Variants in PTPRM observed in about 807,000 individuals in gnomAD.
PTPRM encodes receptor-type tyrosine-protein phosphatase mu.
Under a neutral mutation model 186.7 loss-of-function variants are expected in PTPRM, and 47 were observed. The observed-to-expected ratio is 0.25, with a 90% CI of 0.20 to 0.32. The LOEUF is 0.32. Among genes scored for constraint, PTPRM ranks in the 10% least tolerant of loss-of-function variants. The pLI is 1.00. For missense variants in PTPRM, 1,494 were observed against 1,865.0 expected (o/e 0.80, Z 3.66); for synonymous variants, 668 against 674.9 (o/e 0.99, Z 0.16).
At chr18:7,655,763 A>G (rs2038831673) in intron 1 of PTPRM, among the ~76,000 whole-genome samples, 1 of 152,242 alleles carries the variant, frequency 6.6e-6, no homozygotes, top group Admixed American at 6.5e-5. Context: ...AATACATATT[A>G]TTAAGTGAAA....
chr18:8,180,732 C>G (rs1009170221), intron 14 of PTPRM, among the ~76,000 whole-genome samples: 2 of 152,186 alleles, frequency 1.3e-5, no homozygotes, highest in African/African-American at 4.8e-5. Context: ...TTAAACTCCA[C>G]CATTTTGCCT....
rs1555749529 is a variant in PTPRM, at chr18:8,118,811, A to AAT, written c.2167+4005_2167+4006dup. Among the ~76,000 whole-genome samples the AAT allele has an allele frequency of 9.1e-3, 1,166 of 128,290 alleles. 18 individuals are homozygous for AAT. Among genetic ancestry groups the AAT allele is most frequent in the East Asian group, 0.066 (308 of 4,686 alleles). 84.2% of individuals were successfully genotyped at this position (128,290 alleles called of 152,430 possible). A position where few individuals can be genotyped will look rare whatever the true frequency, so the allele number is the denominator to read the frequency against. On this transcript the variant is annotated intron_variant, in intron 13 of 32. Transcript: ENST00000580170. ...TGACATTCCATCTCAAAAAAAAAAA[A>AAT]ATATATATATATATATATATATGAG...
At chr18:7,928,940 A>C (rs995832360) in intron 5 of PTPRM, among the ~76,000 whole-genome samples, 7 of 152,168 alleles carry the variant, frequency 4.6e-5, no homozygotes, top group African/African-American at 1.4e-4. Flanking sequence ...AGCTACTTAC[A>C]GTTTTGGGGT....
intron 2 of PTPRM, among the ~76,000 whole-genome samples, chr18:7,779,020 A>G (rs1187043559): frequency 2.0e-5 from 3 of 152,200 alleles, no homozygotes; most frequent in Admixed American, 2.0e-4. Flanking sequence ...TTCCAGTTCT[A>G]TATAATTGAT....
chr18:7,806,274 C>T (rs2044231236), intron 2 of PTPRM, among the ~76,000 whole-genome samples: 2 of 152,172 alleles, frequency 1.3e-5, no homozygotes, highest in South Asian at 2.1e-4. Flanking sequence ...GGGATGTCTC[C>T]ACAACCCAGG....
chr18:8,086,807 A>G (rs917410827), intron 10 of PTPRM, among the ~76,000 whole-genome samples: 1 of 151,996 alleles, frequency 6.6e-6, no homozygotes, highest in African/African-American at 2.4e-5. Context: ...AGGGTTTAGA[A>G]TTTTCTTTTT....
rs147858223 is a variant in PTPRM, at chr18:7,750,467, C to T, written c.74-23682C>T. Among the ~76,000 whole-genome samples, 5 of 152,336 alleles carry T rather than the reference C, an allele frequency of 3.3e-5. No individual in the cohort carries two copies. In the East Asian group the frequency reaches 9.6e-4, roughly 29 times the overall value. ...TCTTTTTGTTCTGGTGAATATTGTG[C>T]AGCTGCGGATAGAATAACATTCCTC... On this transcript the variant is annotated intron_variant, in intron 1 of 32. Transcript: ENST00000580170.
intron 14 of PTPRM, among the ~76,000 whole-genome samples, chr18:8,194,348 A>C (rs931134138): frequency 6.6e-6 from 1 of 152,180 alleles, no homozygotes; most frequent in African/African-American, 2.4e-5. Flanking sequence ...TTGAGTTTTG[A>C]GTTGGTGGGA....
chr18:8,121,889 A>G (rs952335858), intron 13 of PTPRM: 1 of 152,178 alleles, frequency 6.6e-6, no homozygotes, highest in African/African-American at 2.4e-5. Flanking sequence ...ACCACACTCA[A>G]TTTCAATTGG....
intron 14 of PTPRM, among the ~76,000 whole-genome samples, chr18:8,177,231 A>G (rs1348365321): frequency 6.6e-6 from 1 of 152,246 alleles, no homozygotes; most frequent in African/African-American, 2.4e-5. Flanking sequence ...CAATAAAGTA[A>G]GTAGTTTCTT....
At chr18:7,903,407 G>A (rs1337156926) in intron 3 of PTPRM, among the ~76,000 whole-genome samples, 1 of 152,238 alleles carries the variant, frequency 6.6e-6, no homozygotes, top group African/African-American at 2.4e-5. Context: ...GCAGCTTGCA[G>A]GTTCCTGCAG....
chr18:8,378,191 G>A, intron 26 of PTPRM, 74 bp from the exon 27 acceptor site: 2 of 1,441,928 alleles, frequency 1.4e-6, no homozygotes, highest in Non-Finnish European at 1.9e-6. Context: ...GATGATGTGG[G>A]GCTAAAATTG....
At chr18:7,605,207 T>C (rs2037501117) in intron 1 of PTPRM, among the ~76,000 whole-genome samples, 1 of 152,154 alleles carries the variant, frequency 6.6e-6, no homozygotes, top group Admixed American at 6.5e-5. Context: ...AAAACCCATG[T>C]TTTAAGAAAG....
At chr18:8,297,570 T>C (rs2095110421) in intron 20 of PTPRM, among the ~76,000 whole-genome samples, 1 of 152,242 alleles carries the variant, frequency 6.6e-6, no homozygotes, top group African/African-American at 2.4e-5. Context: ...AACTGAATTT[T>C]ACTTTATTTC....
intron 14 of PTPRM, among the ~76,000 whole-genome samples, chr18:8,215,443 C>T (rs1372462940): frequency 6.6e-6 from 1 of 151,710 alleles, no homozygotes; most frequent in African/African-American, 2.4e-5. Flanking sequence ...GACAATTGTT[C>T]AGAGTCATTC....
At chr18:7,615,758 T>A (rs2037787684) in intron 1 of PTPRM, among the ~76,000 whole-genome samples, 1 of 152,166 alleles carries the variant, frequency 6.6e-6, no homozygotes, top group Non-Finnish European at 1.5e-5. Flanking sequence ...TTGTGCCCTT[T>A]ATTCCTATTA....
At chr18:8,036,776 T>C (rs1019473756) in intron 7 of PTPRM, among the ~76,000 whole-genome samples, 1 of 152,142 alleles carries the variant, frequency 6.6e-6, no homozygotes, top group East Asian at 1.9e-4. Flanking sequence ...AAGACTTAAT[T>C]TGGGCGCTTC....
At chr18:8,170,752 G>C (rs2093388143) in intron 14 of PTPRM, among the ~76,000 whole-genome samples, 1 of 152,150 alleles carries the variant, frequency 6.6e-6, no homozygotes, top group Admixed American at 6.5e-5. Flanking sequence ...CATTATTATT[G>C]TAACTGAGTA....
chr18:7,867,931 T>G (rs1036441067), intron 2 of PTPRM, among the ~76,000 whole-genome samples: 1 of 152,202 alleles, frequency 6.6e-6, no homozygotes, highest in Non-Finnish European at 1.5e-5. Flanking sequence ...TCTTCATGCT[T>G]TATTTCATTA....
Sources: gnomAD v4.1 joint callset for allele counts (sites outside exome capture counted in the v4.1 genomes callset) on GRCh38, gnomAD v4.1.1 for gene constraint, MANE v1.5 for transcripts, NCBI Gene and HGNC (gene_info 2026-07-23, HGNC 2026-07-21) for gene names.